MYL3: variants seen among roughly 807,000 people sequenced by gnomAD.
The protein encoded by MYL3 is myosin light chain 3.
In MYL3, 11 loss-of-function variants were observed where a neutral mutation model predicts 21.3. The observed-to-expected ratio is 0.52, with a 90% CI of 0.32 to 0.85. MYL3 has a LOEUF of 0.85. Among genes scored for constraint, MYL3 ranks in the 40% least tolerant of loss-of-function variants. The pLI is 0.03. For synonymous variants in MYL3, 88 were observed against 91.6 expected, an observed-to-expected ratio of 0.96 and a Z score of 0.22; for missense variants, 206 against 253.3, an observed-to-expected ratio of 0.81 and a Z score of 1.27.
chr3:46,872,819 T>G (rs1321418698), intron 1 of MYL3, among the ~76,000 whole-genome samples: 1 of 152,252 alleles, frequency 6.6e-6, no homozygotes. Flanking sequence ...TTCCATCTCA[T>G]AACGTTTCCT....
At chr3:46,862,241 G>A (rs1185196371) in intron 1 of MYL3, among the ~76,000 whole-genome samples, 1 of 152,204 alleles carries the variant, frequency 6.6e-6, no homozygotes, top group East Asian at 1.9e-4. Flanking sequence ...CTGGGACCTG[G>A]GTGGCCAACT....
chr3:46,873,986 C>T (rs2030052093), intron 1 of MYL3, among the ~76,000 whole-genome samples: 1 of 152,244 alleles, frequency 6.6e-6, no homozygotes, highest in Non-Finnish European at 1.5e-5. Flanking sequence ...CTCCTCCACA[C>T]TGGCGACCCA....
chr3:46,874,733 C>CA lies in MYL3; in HGVS notation c.-218+7340_-218+7341insT, dbSNP rs1444279752. 6.6e-6 allele frequency among the ~76,000 whole-genome samples: 1 copy of CA among 151,950 alleles called. No homozygotes were observed. Among genetic ancestry groups the CA allele is most frequent in the African/African-American group, 2.4e-5 (1 of 41,242 alleles). On this transcript the variant is annotated intron_variant, in intron 1 of 3. Transcript: ENST00000431168. The surrounding 1 kb of genome is among the most constrained non-coding windows in gnomAD (Gnocchi z 4.1). ...GGGGTATTCCGAGGCACAGACCCCC[C>CA]CCCACACACACAATAGGGACGCACT...
At chr3:46,870,484 C>T (rs1321590222) in intron 1 of MYL3, among the ~76,000 whole-genome samples, 1 of 151,468 alleles carries the variant, frequency 6.6e-6, no homozygotes, top group East Asian at 2.0e-4. Context: ...TGGTGGCCCC[C>T]TACACCCAGG....
At chr3:46,881,011 G>C (rs1356592712) in intron 1 of MYL3, 4 of 152,408 alleles carry the variant, frequency 2.6e-5, no homozygotes, top group Non-Finnish European at 5.9e-5. Context: ...AAACTAAACA[G>C]TAAAGTTAAC....
intron 1 of MYL3, among the ~76,000 whole-genome samples, chr3:46,873,990 C>T (rs775416439): frequency 1.3e-5 from 2 of 152,202 alleles, no homozygotes; most frequent in Non-Finnish European, 2.9e-5. Context: ...TCCACACTGG[C>T]GACCCACCTG....
Position 46,874,959 on chromosome 3 carries a change from G to A in MYL3, c.-218+7115C>T, listed in dbSNP as rs1367748568. On this transcript the variant is annotated intron_variant, in intron 1 of 3. Coordinates refer to the MYL3 transcript ENST00000431168. This position sits in a 1 kb window ranked among gnomAD's most constrained non-coding sequence, Gnocchi z 4.1. Reference sequence around the variant, plus strand: ...CCCACTCCCCGCCACCATGCCACCAGGGATCTCCCTCAGAGCTGCCCTTGG... The same window carrying A: ...CCCACTCCCCGCCACCATGCCACCAAGGATCTCCCTCAGAGCTGCCCTTGG... Among the ~76,000 whole-genome samples the A allele has an allele frequency of 6.6e-6, 1 of 152,214 alleles. No homozygotes were observed. Among genetic ancestry groups the A allele is most frequent in the Non-Finnish European group, 1.5e-5 (1 of 68,038 alleles).
intron 1 of MYL3, among the ~76,000 whole-genome samples, chr3:46,868,918 A>C (rs1323751277): frequency 6.6e-6 from 1 of 152,156 alleles, no homozygotes; most frequent in Non-Finnish European, 1.5e-5. Context: ...CGGGCTGCCA[A>C]GGGTTTGTGG....
At chr3:46,867,720 C>A (rs1474012569), upstream of MYL3, among the ~76,000 whole-genome samples, 1 of 152,230 alleles carries the variant, frequency 6.6e-6, no homozygotes, top group Non-Finnish European at 1.5e-5. Flanking sequence ...CCCACACTTC[C>A]CGGAGGAGTC....
intron 1 of MYL3, 135 bp downstream of exon 1, chr3:46,863,127 T>G: frequency 7.4e-7 from 1 of 1,348,808 alleles, no homozygotes; most frequent in Non-Finnish European, 1.0e-6. Flanking sequence ...TCAGGGCTTG[T>G]CTGACCTCTG....
chr3:46,867,109 T>C (rs566534458), upstream of MYL3, among the ~76,000 whole-genome samples: 1 of 151,858 alleles, frequency 6.6e-6, no homozygotes, highest in African/African-American at 2.4e-5. Flanking sequence ...GACCCCACTG[T>C]GGAGACCTAG....
chr3:46,862,480 T>C (rs1166812709), intron 1 of MYL3, among the ~76,000 whole-genome samples: 1 of 152,106 alleles, frequency 6.6e-6, no homozygotes, highest in African/African-American at 2.4e-5. Context: ...CTGCTGGGCA[T>C]GCAGGGATGG....
chr3:46,874,461 G>A lies in MYL3; in HGVS notation c.-218+7613C>T, dbSNP rs898027059. 2.0e-5 allele frequency among the ~76,000 whole-genome samples: 3 copies of A among 152,064 alleles called. No individual in the cohort carries two copies. Among genetic ancestry groups the A allele is most frequent in the East Asian group, 1.9e-4 (1 of 5,180 alleles). On this transcript the variant is annotated intron_variant, in intron 1 of 3. Coordinates refer to the MYL3 transcript ENST00000431168. The surrounding 1 kb of genome is among the most constrained non-coding windows in gnomAD (Gnocchi z 4.1). ...AGGGGTTCTCCACTCGAGGGCTCCC[G>A]GCCACAGCCCCCGGCAAGGACCCAG...
chr3:46,869,145 C>A (rs1317013533), intron 1 of MYL3, among the ~76,000 whole-genome samples: 1 of 152,206 alleles, frequency 6.6e-6, no homozygotes, highest in East Asian at 1.9e-4. Flanking sequence ...GGCCTGTGGC[C>A]TCCCTGAACT....
Position 46,860,750 on chromosome 3 carries a change from T to A in MYL3, c.233A>T (p.Asp78Val). The change falls in exon 3 of 7, where the codon GAT becomes GTT. Residue 78 changes from aspartate (D) to valine (V), a missense_variant. Physicochemically the swap from Asp to Val is radical, Grantham distance 152 (BLOSUM62 -3). Coordinates refer to ENST00000292327, the MANE Select transcript of MYL3 (RefSeq NM_000258.3). The surrounding 1 kb of genome is among the most constrained non-coding windows in gnomAD (Gnocchi z 4.6). ...EMKITYGQCGDVLRALGQNPT... is the reference protein window; with the variant it reads ...EMKITYGQCGVVLRALGQNPT... Reference sequence around the variant, plus strand: ...GTTCTGGCCCAGCGCCCGCAGGACATCCCCACACTGCCCGTAGGTGATCTT... The same window carrying A: ...GTTCTGGCCCAGCGCCCGCAGGACAACCCCACACTGCCCGTAGGTGATCTT... 2 of 1,614,052 alleles carry A rather than the reference T, an allele frequency of 1.2e-6. No individual in the cohort carries two copies. The highest frequency in any genetic ancestry group is 1.7e-6 in the Non-Finnish European group (2 of 1,179,992).
At chr3:46,858,977 A>G (rs1701961885) in intron 4 of MYL3, among the ~76,000 whole-genome samples, 3 of 152,148 alleles carry the variant, frequency 2.0e-5, no homozygotes, top group African/African-American at 7.2e-5. Context: ...GAGAGAGACC[A>G]GCACGGAGCT....
rs886142265 is a variant in MYL3 at position 46,859,274 on chromosome 3, G to A, written c.481+201C>T. Among the ~76,000 whole-genome samples, 6 of 152,192 alleles carry A rather than the reference G, an allele frequency of 3.9e-5. No homozygotes were observed. Among genetic ancestry groups the A allele is most frequent in the African/African-American group, 7.2e-5 (3 of 41,452 alleles). ...GCCCTGCTCTGTCCCCAGAGCTGAT[G>A]TCATCCCCCTTCTGTGAGCTGCACC... On this transcript the variant is annotated intron_variant, in intron 4 of 6. Transcript: ENST00000292327. This position sits in a 1 kb window ranked among gnomAD's most constrained non-coding sequence, Gnocchi z 4.1.
rs1450831521 is a variant in MYL3 at position 46,859,198 on chromosome 3, G to A, written c.481+277C>T. ...CCTTGGAGTAATGACCACCAGGACGGTGGCCTGGAGTCGTGGGAAGGAGGG... is the reference window on the plus strand; with the variant it reads ...CCTTGGAGTAATGACCACCAGGACGATGGCCTGGAGTCGTGGGAAGGAGGG... On this transcript the variant is annotated intron_variant, in intron 4 of 6. Transcript: ENST00000292327. The surrounding 1 kb of genome is among the most constrained non-coding windows in gnomAD (Gnocchi z 4.1). Among the ~76,000 whole-genome samples the A allele has an allele frequency of 6.6e-6, 1 of 152,080 alleles. No homozygotes were observed. Among genetic ancestry groups the A allele is most frequent in the Non-Finnish European group, 1.5e-5 (1 of 68,004 alleles).
chr3:46,858,181 G>A (rs1474681661), intron 6 of MYL3, 50 bp downstream of exon 6: 1 of 1,589,358 alleles, frequency 6.3e-7, no homozygotes, highest in Non-Finnish European at 8.6e-7. Context: ...TGCAGCTGGT[G>A]GAGTGTGGGC....
Sources: allele counts gnomAD v4.1 joint callset (sites outside exome capture counted in the v4.1 genomes callset), GRCh38; gene constraint gnomAD v4.1.1; non-coding constraint Gnocchi (gnomAD v3.1); transcripts MANE v1.5; gene names NCBI Gene and HGNC (gene_info 2026-07-23, HGNC 2026-07-21).